SNX24: variants seen among roughly 807,000 people sequenced by gnomAD.
The protein encoded by SNX24 is sorting nexin 24.
SNX24 carries 22 observed loss-of-function variants against 28.7 expected under a neutral mutation model. The ratio of observed to expected loss-of-function variants is 0.77; its 90% confidence interval spans 0.55 to 1.10. The LOEUF (loss-of-function observed/expected upper bound fraction) is 1.10. Ranked by LOEUF, SNX24 falls within the 50% of genes least tolerant of loss-of-function variation. The pLI is 0.00. For missense variants in SNX24, 221 were observed against 201.1 expected (o/e 1.10, Z -0.60); for synonymous variants, 69 against 71.5 (o/e 0.96, Z 0.18).
chr5:122,985,800 A>G (rs185923976), intron 3 of SNX24, among the ~76,000 whole-genome samples: 27 of 152,228 alleles, frequency 1.8e-4, no homozygotes, highest in Non-Finnish European at 2.9e-5. Flanking sequence ...TCGCTTTCTC[A>G]CTATTTAACC....
chr5:122,860,240 A>G (rs976444691), intron 1 of SNX24, among the ~76,000 whole-genome samples: 1 of 152,210 alleles, frequency 6.6e-6, no homozygotes, highest in African/African-American at 2.4e-5. Flanking sequence ...CAGGTTGGAA[A>G]GTAAATCATG....
chr5:122,962,542 T>G (rs1293234921), intron 3 of SNX24, among the ~76,000 whole-genome samples: 1 of 152,252 alleles, frequency 6.6e-6, no homozygotes, highest in Non-Finnish European at 1.5e-5. Context: ...ACCAGTATTT[T>G]AAAAATTCAG....
At chr5:122,925,298 C>A (rs1561605745) in intron 1 of SNX24, among the ~76,000 whole-genome samples, 6 of 145,378 alleles carry the variant, frequency 4.1e-5, no homozygotes, top group Non-Finnish European at 7.5e-5. Flanking sequence ...AGTGAACTGG[C>A]ATGATCATGG....
intron 3 of SNX24, among the ~76,000 whole-genome samples, chr5:122,983,583 A>G (rs1396953671): frequency 6.6e-6 from 1 of 152,188 alleles, no homozygotes; most frequent in Non-Finnish European, 1.5e-5. Flanking sequence ...AATCCTTCAC[A>G]TATAACCAAC....
At chr5:122,989,447 T>C (rs1421623937) in intron 3 of SNX24, among the ~76,000 whole-genome samples, 1 of 151,542 alleles carries the variant, frequency 6.6e-6, no homozygotes, top group Non-Finnish European at 1.5e-5. Flanking sequence ...TTAAGGAAGC[T>C]TTTTGACTTT....
intron 5 of SNX24, chr5:123,023,615 GT>G (rs1176608534): frequency 3.3e-5 from 10 of 300,254 alleles, no homozygotes; most frequent in East Asian, 2.2e-4. Context: ...CCAATTCAAA[GT>G]TTTTTTTAGT....
At chr5:122,887,883 A>G (rs2150067213) in intron 1 of SNX24, among the ~76,000 whole-genome samples, 1 of 152,260 alleles carries the variant, frequency 6.6e-6, no homozygotes, top group South Asian at 2.1e-4. Flanking sequence ...TTATATTTTC[A>G]GTAAAGATGA....
intron 3 of SNX24, among the ~76,000 whole-genome samples, chr5:122,959,949 C>T (rs1278600636): frequency 1.3e-5 from 2 of 152,108 alleles, no homozygotes; most frequent in African/African-American, 4.8e-5. Context: ...CTGTGTCTGC[C>T]TTTGACCCTT....
chr5:123,008,826 C>T lies in SNX24; in HGVS notation c.*1077C>T, dbSNP rs1762499374. ...GTGTTTATGATATAACTCCACTGTA[C>T]ATCATCCTTTGAGTAGTAAAGGATA... On this transcript the variant is annotated 3_prime_UTR_variant, in exon 7 of 7. Coordinates refer to ENST00000261369, the MANE Select transcript of SNX24 (RefSeq NM_014035.4). 2.1e-6 allele frequency: 2 copies of T among 952,070 alleles called. No individual in the cohort carries two copies. The highest frequency in any genetic ancestry group is 1.8e-5 in the African/African-American group (1 of 56,548). 59.0% of individuals were successfully genotyped at this position (952,070 alleles called of 1,614,324 possible).
At chr5:122,934,395 G>A (rs246308) in intron 1 of SNX24, among the ~76,000 whole-genome samples, 2 of 152,036 alleles carry the variant, frequency 1.3e-5, no homozygotes, top group Non-Finnish European at 2.9e-5. Context: ...AGTCTCGCTC[G>A]GTTGCCCAGG....
At chr5:123,019,280 C>A (rs1762730064) in intron 5 of SNX24, among the ~76,000 whole-genome samples, 2 of 146,714 alleles carry the variant, frequency 1.4e-5, no homozygotes, top group African/African-American at 5.1e-5. Flanking sequence ...TTTAATTCTT[C>A]TTTAATTTGA....
chr5:122,889,379 C>T (rs947512481), intron 1 of SNX24, among the ~76,000 whole-genome samples: 4 of 151,738 alleles, frequency 2.6e-5, no homozygotes, highest in African/African-American at 9.7e-5. Flanking sequence ...ACCCCTCATT[C>T]GAAAATCTGA....
intron 1 of SNX24, among the ~76,000 whole-genome samples, chr5:122,890,471 A>AT (rs1161406947): frequency 0.063 from 8,686 of 138,828 alleles, 464 homozygotes; most frequent in African/African-American, 0.12. Flanking sequence ...TTTAGAGGGG[A>AT]TTTTTTTTTT....
chr5:122,845,878 G>A (rs1754603775), intron 1 of SNX24, among the ~76,000 whole-genome samples, 185 bp downstream of exon 1: 1 of 151,852 alleles, frequency 6.6e-6, no homozygotes, highest in Non-Finnish European at 1.5e-5. Flanking sequence ...CCCCTCCCGG[G>A]CACGGCGGCT....
At chr5:122,887,273 C>A (rs116483534) in intron 1 of SNX24, among the ~76,000 whole-genome samples, 2,386 of 152,256 alleles carry the variant, frequency 0.016, 29 homozygotes, top group Non-Finnish European at 0.026. Context: ...TTTTTGGCAT[C>A]TGTTGTTGCT....
chr5:122,954,730 A>T (rs993909588), intron 3 of SNX24, among the ~76,000 whole-genome samples: 8 of 9,934 alleles, frequency 8.1e-4, no homozygotes, highest in East Asian at 0.17. Context: ...CTGATTTTTA[A>T]AAAAAAATCA....
chr5:122,927,384 T>C (rs1758749472), intron 1 of SNX24, among the ~76,000 whole-genome samples: 1 of 85,288 alleles, frequency 1.2e-5, no homozygotes, highest in African/African-American at 6.4e-5. Flanking sequence ...ACTAAATAGG[T>C]TTTTTGTAGG....
intron 3 of SNX24, among the ~76,000 whole-genome samples, chr5:122,949,458 T>A (rs1479901912): frequency 6.6e-6 from 1 of 152,152 alleles, no homozygotes; most frequent in Non-Finnish European, 1.5e-5. Flanking sequence ...ACATTGTATT[T>A]GAAAAAACCA....
At chr5:123,001,615 A>T (rs1454244283) in intron 5 of SNX24, among the ~76,000 whole-genome samples, 178 bp downstream of exon 5, 1 of 152,226 alleles carries the variant, frequency 6.6e-6, no homozygotes, top group East Asian at 1.9e-4. Context: ...AGAGTGGAGG[A>T]ATAAGAGCCC....
Sources: gnomAD v4.1 joint callset for allele counts (sites outside exome capture counted in the v4.1 genomes callset) on GRCh38, gnomAD v4.1.1 for gene constraint, MANE v1.5 for transcripts, NCBI Gene and HGNC (gene_info 2026-07-23, HGNC 2026-07-21) for gene names.